Variants in ZBTB4 observed in about 807,000 individuals in gnomAD.
ZBTB4 encodes zinc finger and BTB domain-containing protein 4.
In ZBTB4, 14 loss-of-function variants were observed where a neutral mutation model predicts 59.8. The ratio of observed to expected loss-of-function variants is 0.23; its 90% CI spans 0.15 to 0.37. ZBTB4 has a LOEUF of 0.37. Among genes scored for constraint, ZBTB4 ranks in the 10% least tolerant of loss-of-function variants. The pLI is 1.00. For missense variants in ZBTB4, 1,198 were observed against 1,380.8 expected (o/e 0.87, Z 2.10); for synonymous variants, 587 against 575.2 (o/e 1.02, Z -0.29).
At chr17:7,480,559 A>T (rs935407229), upstream of ZBTB4, among the ~76,000 whole-genome samples, 4 of 152,046 alleles carry the variant, frequency 2.6e-5, no homozygotes, top group African/African-American at 9.7e-5. Context: ...CTCTACTAAA[A>T]ATACAAAAAA....
At chr17:7,477,120 A>C (rs1374819867) in intron 1 of ZBTB4, among the ~76,000 whole-genome samples, 2 of 152,206 alleles carry the variant, frequency 1.3e-5, no homozygotes, top group African/African-American at 4.8e-5. Flanking sequence ...AGGCTGGTGC[A>C]CGGTCAGTGC....
intron 1 of ZBTB4, among the ~76,000 whole-genome samples, chr17:7,467,611 C>T (rs1197007898): frequency 6.6e-6 from 1 of 152,184 alleles, no homozygotes; most frequent in African/African-American, 2.4e-5. Context: ...TCCCAATTCA[C>T]CTCCAAACAA....
chr17:7,483,696 C>T (rs1486713242), upstream of ZBTB4, among the ~76,000 whole-genome samples: 1 of 152,232 alleles, frequency 6.6e-6, no homozygotes, highest in Non-Finnish European at 1.5e-5. Flanking sequence ...ATCTGCTTTT[C>T]TCGGATTGTC....
chr17:7,481,968 A>G (rs2070349947), upstream of ZBTB4: 1 of 1,569,180 alleles, frequency 6.4e-7, no homozygotes, highest in Non-Finnish European at 8.6e-7. Flanking sequence ...GTCTACCCTG[A>G]GCTCCTTTCT....
rs186781196 is a variant in ZBTB4 at position 7,469,854 on chromosome 17, C to T, written c.-80-2527G>A. ...ATCCTAGCAGTTTGGGAGGCAGAGG[C>T]GGGTGGATCGCGAGGTCAAGAGATT... On this transcript the variant is annotated intron_variant, in intron 1 of 3. Transcript: ENST00000380599. Among the ~76,000 whole-genome samples the T allele has an allele frequency of 5.8e-4, 88 of 152,066 alleles. No individual in the cohort carries two copies. In the South Asian group the frequency reaches 5.8e-3, roughly 10 times the overall value.
chr17:7,469,432 C>T (rs112723826), intron 1 of ZBTB4, among the ~76,000 whole-genome samples: 182 of 151,228 alleles, frequency 1.2e-3, no homozygotes, highest in African/African-American at 4.3e-3. Context: ...TCCCAAAGTG[C>T]TGGGATTATG....
At chr17:7,467,171 C>T (rs2070139749) in intron 2 of ZBTB4, 86 bp downstream of exon 2, 4 of 1,066,052 alleles carry the variant, frequency 3.8e-6, no homozygotes, top group South Asian at 4.0e-5. Context: ...ACAGAACTCC[C>T]CAGCCTAGAC....
chr17:7,483,045 T>C (rs377697509), upstream of ZBTB4: 53 of 1,610,902 alleles, frequency 3.3e-5, no homozygotes, highest in African/African-American at 5.6e-4. Context: ...CAGGGATAAA[T>C]AGAGGCAAAG....
chr17:7,482,776 G>A, upstream of ZBTB4: 1 of 1,612,028 alleles, frequency 6.2e-7, no homozygotes, highest in African/African-American at 1.3e-5. Context: ...TCCTCGCCTT[G>A]GTCTCCTTCA....
At chr17:7,463,971 C>T (rs1346454439) in intron 3 of ZBTB4, 81 bp from the exon 4 acceptor site, 1 of 1,521,684 alleles carries the variant, frequency 6.6e-7, no homozygotes, top group Non-Finnish European at 8.7e-7. Flanking sequence ...TCCTCCTACA[C>T]CCTGCACTCA....
chr17:7,463,274 A>G lies in ZBTB4; in HGVS notation c.1708T>C (p.Tyr570His), dbSNP rs768896090. The change falls in exon 4 of 4, where the codon TAC becomes CAC. Residue 570 changes from tyrosine to histidine, a missense_variant. This residue lies in a region of ZBTB4 where 550 missense variants were observed against 541.8 expected (regional missense o/e 1.02). Coordinates refer to ENST00000380599, the MANE Select transcript of ZBTB4 (RefSeq NM_001128833.2). Reference protein sequence around the residue: ...RNPRAGRTLTYTAKPVGGIGG... With the variant: ...RNPRAGRTLTHTAKPVGGIGG... ...ATCCCGCCCACTGGCTTGGCTGTGT[A>G]AGTCAGAGTCCTTCCAGCCCGTGGA... is the stretch of plus-strand genomic sequence containing the variant. The G allele has an allele frequency of 5.0e-6, 8 of 1,611,254 alleles. No individual in the cohort carries two copies. The South Asian group carries it at 8.8e-5, about 18-fold the overall frequency.
upstream of ZBTB4, chr17:7,482,264 C>T: frequency 1.2e-6 from 2 of 1,614,042 alleles, no homozygotes; most frequent in Non-Finnish European, 1.7e-6. Flanking sequence ...TGGCGACCCC[C>T]TTCTGGGACC....
upstream of ZBTB4, chr17:7,482,521 A>G (rs765417396): frequency 8.1e-6 from 13 of 1,613,202 alleles, no homozygotes; most frequent in Non-Finnish European, 1.1e-5. Flanking sequence ...GACTCTGGAC[A>G]CTACAGGAGG....
chr17:7,463,346 C>A lies in ZBTB4; in HGVS notation c.1636G>T (p.Ala546Ser), dbSNP rs1386496901. Residue 546 changes from alanine (A) to serine (S), a missense_variant, in exon 4 of 4, where the codon GCA (alanine) becomes TCA (serine). Ala to Ser is a moderately conservative substitution (Grantham distance 99). Transcript: ENST00000380599. ...PATAVSPATA[A>S]GPAMATTTEE... ...GTGGTGGTGGCCATGGCTGGCCCTG[C>A]AGCGGTGGCTGGGCTGACTGCTGTG... 1 of 1,607,026 alleles carries A rather than the reference C, an allele frequency of 6.2e-7. No individual in the cohort carries two copies. Among genetic ancestry groups the A allele is most frequent in the South Asian group, 1.1e-5 (1 of 89,782 alleles).
intron 1 of ZBTB4, among the ~76,000 whole-genome samples, chr17:7,477,937 T>G (rs57752647): frequency 0.044 from 6,759 of 152,124 alleles, 475 homozygotes; most frequent in African/African-American, 0.15. Context: ...CTGCAAAGAT[T>G]AGCTGGGCCA....
In ZBTB4 at chr17:7,462,200, G is replaced by A. The variant is rs1381784557; in HGVS notation, c.2782C>T (p.Pro928Ser). ...YPEPYPLVYG[P>S]QLLAAYPYNF... ...TAAGGGTAGGCGGCAAGGAGCTGGGGGCCATAGACGAGCGGGTAGGGCTCA... is the reference window on the plus strand; with the variant it reads ...TAAGGGTAGGCGGCAAGGAGCTGGGAGCCATAGACGAGCGGGTAGGGCTCA... The change falls in exon 4 of 4, where the codon CCC becomes TCC. Residue 928 changes from proline (P) to serine (S), a missense_variant. Pro to Ser is a moderately conservative substitution (Grantham distance 74, BLOSUM62 -1). Around this residue, in one of 9 missense-constraint regions of ZBTB4, gnomAD observed 211 missense variants for 236.1 expected, o/e 0.89. Transcript: ENST00000380599. The surrounding 1 kb of genome is among the most constrained non-coding windows in gnomAD (Gnocchi z 7.5). 3 of 1,613,708 alleles carry A rather than the reference G, an allele frequency of 1.9e-6. No homozygotes were observed. Among genetic ancestry groups the A allele is most frequent in the African/African-American group, 2.7e-5 (2 of 74,852 alleles).
chr17:7,482,328 T>C (rs779453698), upstream of ZBTB4: 4 of 1,614,030 alleles, frequency 2.5e-6, no homozygotes, highest in Admixed American at 5.0e-5. Context: ...GTCCTCAGCA[T>C]TGGATGTGCC....
In ZBTB4 at chr17:7,465,925, G is replaced by A; in HGVS notation, c.877C>T (p.Arg293Ter). The A allele has an allele frequency of 1.2e-6, 2 of 1,610,032 alleles. No individual in the cohort carries two copies. Among genetic ancestry groups the A allele is most frequent in the Non-Finnish European group, 1.7e-6 (2 of 1,177,330 alleles). The stretch of plus-strand genomic sequence containing the variant: ...TTCACCACGTGCTCGGGGCCCCCTC[G>A]GAAGCCCACTGGTGGAGGCAGGGCT... ...ASALPPPVGF[R>*]GGPEHVVKVV... The change falls in exon 3 of 4, where the codon CGA becomes TGA. Residue 293 changes from arginine (R) to a stop codon, truncating the protein, a stop_gained. Transcript: ENST00000380599. LOFTEE classifies it high-confidence loss of function.
intron 1 of ZBTB4, among the ~76,000 whole-genome samples, chr17:7,478,573 A>G (rs1450880231): frequency 6.6e-6 from 1 of 151,982 alleles, no homozygotes; most frequent in Non-Finnish European, 1.5e-5. Flanking sequence ...GCATCCTGGC[A>G]CCCTCCGCAA....
Sources: allele counts gnomAD v4.1 joint callset (sites outside exome capture counted in the v4.1 genomes callset), GRCh38; gene constraint gnomAD v4.1.1; regional missense constraint gnomAD v4.1.1; non-coding constraint Gnocchi (gnomAD v3.1); transcripts MANE v1.5; gene names NCBI Gene and HGNC (gene_info 2026-07-23, HGNC 2026-07-21).